Variants in CCDC33 observed in about 807,000 individuals in gnomAD.
CCDC33 encodes coiled-coil domain-containing protein 33.
CCDC33 carries 94 observed loss-of-function variants against 91.9 expected under a neutral mutation model. The ratio of observed to expected loss-of-function variants is 1.02; its 90% CI spans 0.87 to 1.21. The LOEUF (loss-of-function observed/expected upper bound fraction) is 1.21, where lower values mean the gene tolerates loss of function less well. Ranked by LOEUF, CCDC33 falls within the 50% of genes most tolerant of loss-of-function variation. The probability of loss-of-function intolerance (pLI) is 0.00; values close to 1 mark genes in which losing one functional copy is unlikely to be tolerated. For missense variants in CCDC33, 940 were observed against 935.5 expected (o/e 1.00, Z -0.06); for synonymous variants, 396 against 374.5 (o/e 1.06, Z -0.66).
At chr15:74,215,007 C>A (rs1203713606), upstream of CCDC33, among the ~76,000 whole-genome samples, 1 of 152,136 alleles carries the variant, frequency 6.6e-6, no homozygotes, top group African/African-American at 2.4e-5. Flanking sequence ...ACATTCAGGG[C>A]AATGAATGAT....
intron 11 of CCDC33, among the ~76,000 whole-genome samples, chr15:74,308,906 C>G (rs1282624184): frequency 2.6e-5 from 4 of 152,092 alleles, no homozygotes; most frequent in Non-Finnish European, 5.9e-5. Flanking sequence ...CAGTAGGGAG[C>G]TGCCACGCTG....
At chr15:74,263,850 T>C (rs1425356488) in intron 3 of CCDC33, among the ~76,000 whole-genome samples, 2 of 152,176 alleles carry the variant, frequency 1.3e-5, no homozygotes, top group Non-Finnish European at 1.5e-5. Context: ...ATCTGGATGG[T>C]GGTGTATGCC....
At chr15:74,238,468 CT>C (rs918218248) in intron 1 of CCDC33, among the ~76,000 whole-genome samples, 39 of 148,810 alleles carry the variant, frequency 2.6e-4, no homozygotes, top group African/African-American at 9.4e-4. Context: ...TGTGTTTCTT[CT>C]TTTGTGAATC....
At chr15:74,241,714 G>A (rs545639361) in intron 1 of CCDC33, among the ~76,000 whole-genome samples, 10 of 152,330 alleles carry the variant, frequency 6.6e-5, no homozygotes, top group South Asian at 2.1e-4. Context: ...GAGGCGAGTC[G>A]GGACATACAG....
At chr15:74,274,842 G>A (rs748524528) in intron 7 of CCDC33, among the ~76,000 whole-genome samples, 2 of 152,210 alleles carry the variant, frequency 1.3e-5, no homozygotes, top group African/African-American at 2.4e-5. Context: ...TGTGGGACCC[G>A]GTCCAGCAAT....
intron 15 of CCDC33, 54 bp from the exon 16 acceptor site, chr15:74,332,625 G>A (rs1420680649): frequency 1.3e-6 from 2 of 1,591,422 alleles, no homozygotes; most frequent in Non-Finnish European, 1.7e-6. Flanking sequence ...ATCAGGACAG[G>A]GACATGGGAA....
At chr15:74,242,846 A>C (rs1025423288) in intron 1 of CCDC33, among the ~76,000 whole-genome samples, 1 of 151,822 alleles carries the variant, frequency 6.6e-6, no homozygotes, top group Non-Finnish European at 1.5e-5. Context: ...CTGCCTCCCC[A>C]GTCAAACTGA....
intron 2 of CCDC33, among the ~76,000 whole-genome samples, chr15:74,248,041 C>T (rs1028260570): frequency 2.6e-5 from 4 of 151,946 alleles, no homozygotes; most frequent in African/African-American, 9.7e-5. Context: ...TGTGCCAGTG[C>T]ACTCCAGCCT....
At chr15:74,323,011 C>T (rs1003735787) in intron 11 of CCDC33, among the ~76,000 whole-genome samples, 1 of 152,160 alleles carries the variant, frequency 6.6e-6, no homozygotes, top group African/African-American at 2.4e-5. Flanking sequence ...CCCCTCCCCG[C>T]TCCTACCCCT....
At chr15:74,234,865 G>C (rs2075097616), upstream of CCDC33, among the ~76,000 whole-genome samples, 1 of 152,234 alleles carries the variant, frequency 6.6e-6, no homozygotes, top group South Asian at 2.1e-4. Context: ...CGCTCGCACA[G>C]CCCTGAGAAT....
At chr15:74,221,227 T>G (rs1219333210) in intron 2 of CCDC33, 15 of 975,068 alleles carry the variant, frequency 1.5e-5, no homozygotes, top group African/African-American at 3.7e-5. Context: ...TTTTTTTTTT[T>G]TTTTTTTTTT....
At chr15:74,268,493 G>A (rs865842455) in intron 5 of CCDC33, 35 bp downstream of exon 5, 2 of 1,449,344 alleles carry the variant, frequency 1.4e-6, no homozygotes, top group Non-Finnish European at 1.9e-6. Flanking sequence ...GTGGTGGTGG[G>A]GGTGGGAAAG....
intron 1 of CCDC33, chr15:74,207,799 C>T (rs1370195891): frequency 6.5e-7 from 1 of 1,534,728 alleles, no homozygotes; most frequent in African/African-American, 1.4e-5. Context: ...GCACAGCACA[C>T]TCACACACAC....
chr15:74,246,738 C>T (rs771337775), intron 2 of CCDC33, among the ~76,000 whole-genome samples: 2 of 152,202 alleles, frequency 1.3e-5, no homozygotes, highest in Non-Finnish European at 2.9e-5. Flanking sequence ...TAAAATGGTG[C>T]AGCCATTATG....
At chr15:74,215,411 G>A (rs1326121446), upstream of CCDC33, among the ~76,000 whole-genome samples, 1 of 152,140 alleles carries the variant, frequency 6.6e-6, no homozygotes, top group Non-Finnish European at 1.5e-5. Context: ...TGGGTGTAGA[G>A]TTTCAGTTTT....
chr15:74,276,893 G>A (rs1208755449), intron 7 of CCDC33, among the ~76,000 whole-genome samples: 4 of 152,032 alleles, frequency 2.6e-5, no homozygotes, highest in Admixed American at 6.6e-5. Flanking sequence ...CTTTCTCCTC[G>A]CACACCCCAG....
At chr15:74,212,980 C>T (rs148542490), upstream of CCDC33, 4,135 of 152,096 alleles carry the variant, frequency 0.027, 79 homozygotes, top group Middle Eastern at 0.044. Context: ...TTTGGGAGGC[C>T]GAGTCGGGTG....
rs778727290 is a variant in CCDC33 at position 74,330,971 on chromosome 15, C to CA, written c.1546-9dup. ...CATTCTCTCCCCTTCTCTCCTCCCC[C>CA]ATCTCACAGAAGAATGATCGAGAGA... is the stretch of plus-strand genomic sequence containing the variant. On this transcript the variant is annotated splice_polypyrimidine_tract_variant and intron_variant, in intron 13 of 18. Transcript: ENST00000398814. The CA allele has an allele frequency of 1.3e-6, 2 of 1,576,518 alleles. No individual in the cohort carries two copies. The highest frequency in any genetic ancestry group is 1.7e-6 in the Non-Finnish European group (2 of 1,160,838).
upstream of CCDC33, among the ~76,000 whole-genome samples, chr15:74,232,613 G>A (rs1306805382): frequency 6.6e-6 from 1 of 152,182 alleles, no homozygotes; most frequent in Admixed American, 6.5e-5. Flanking sequence ...GGATGAGGTG[G>A]GAAATGTAGG....
Sources: allele counts gnomAD v4.1 joint callset (sites outside exome capture counted in the v4.1 genomes callset), GRCh38; gene constraint gnomAD v4.1.1; transcripts MANE v1.5; gene names NCBI Gene and HGNC (gene_info 2026-07-23, HGNC 2026-07-21).